Variants in GAREM1 observed in about 807,000 individuals in gnomAD.
The protein encoded by GAREM1 is GRB2 associated regulator of MAPK1 subtype 1.
In GAREM1, 26 loss-of-function variants were observed where a neutral mutation model predicts 71.3. The ratio of observed to expected loss-of-function variants is 0.36; its 90% CI spans 0.27 to 0.51. The LOEUF is 0.51. GAREM1 is among the 20% of genes least tolerant of loss of function. The pLI, the probability that GAREM1 is intolerant of heterozygous loss-of-function variation, is 0.95. For missense variants in GAREM1, 1,026 were observed against 1,103.1 expected (o/e 0.93, Z 0.99); for synonymous variants, 440 against 433.2 (o/e 1.02, Z -0.20).
At chr18:32,423,299 T>C (rs2048538601) in intron 1 of GAREM1, among the ~76,000 whole-genome samples, 1 of 152,136 alleles carries the variant, frequency 6.6e-6, no homozygotes, top group African/African-American at 2.4e-5. Context: ...CTGCAAATCA[T>C]AAATGTTACA....
At chr18:32,421,880 C>A (rs887436498) in intron 1 of GAREM1, among the ~76,000 whole-genome samples, 2 of 152,144 alleles carry the variant, frequency 1.3e-5, no homozygotes, top group African/African-American at 4.8e-5. Context: ...TCATCCTCTT[C>A]CAGCAGGTGA....
chr18:32,310,022 A>T (rs1300930213), intron 3 of GAREM1, among the ~76,000 whole-genome samples, 171 bp downstream of exon 3: 1 of 152,260 alleles, frequency 6.6e-6, no homozygotes, highest in Non-Finnish European at 1.5e-5. Context: ...ATACAGAAGC[A>T]GTCAGGGAGT....
chr18:32,326,893 C>T (rs897462640), intron 2 of GAREM1, among the ~76,000 whole-genome samples: 2 of 152,216 alleles, frequency 1.3e-5, no homozygotes, highest in African/African-American at 4.8e-5. Flanking sequence ...TTCCATCCAA[C>T]AGGGGCAGTT....
At chr18:32,305,154 G>C (rs1377302166) in intron 3 of GAREM1, among the ~76,000 whole-genome samples, 2 of 152,040 alleles carry the variant, frequency 1.3e-5, no homozygotes, top group African/African-American at 4.8e-5. Flanking sequence ...AAGTGAAAGA[G>C]ACAGGTGACT....
chr18:32,267,770 GAGA>G lies in GAREM1; in HGVS notation c.*98_*100del, dbSNP rs896797897. On this transcript the variant is annotated 3_prime_UTR_variant, in exon 6 of 6. Transcript: ENST00000269209. ...AGAGTTTCTCTTATCCCTATTTACAGAGAAGGTTTTTAGTGCAAAAACATGAAA... is the reference window on the plus strand; with the variant it reads ...AGAGTTTCTCTTATCCCTATTTACAGAGGTTTTTAGTGCAAAAACATGAAA... 14 of 893,938 alleles carry G rather than the reference GAGA, an allele frequency of 1.6e-5. No homozygotes were observed. Among genetic ancestry groups the G allele is most frequent in the Non-Finnish European group, 2.4e-5 (14 of 586,050 alleles). 55.4% of individuals were successfully genotyped at this position (893,938 alleles called of 1,614,324 possible). A position where few individuals can be genotyped will look rare whatever the true frequency, so the allele number is the denominator to read the frequency against.
chr18:32,406,039 C>T (rs976800548), intron 1 of GAREM1, among the ~76,000 whole-genome samples: 2 of 152,168 alleles, frequency 1.3e-5, no homozygotes, highest in African/African-American at 2.4e-5. Context: ...CAGGCTGTTC[C>T]TTCTAACTAT....
At chr18:32,361,249 T>G (rs1180205590) in intron 2 of GAREM1, among the ~76,000 whole-genome samples, 1 of 152,178 alleles carries the variant, frequency 6.6e-6, no homozygotes, top group Non-Finnish European at 1.5e-5. Flanking sequence ...TTACTTCTGA[T>G]CCCACCATAA....
intron 1 of GAREM1, among the ~76,000 whole-genome samples, chr18:32,446,211 T>C (rs918239764): frequency 6.7e-6 from 1 of 148,874 alleles, no homozygotes; most frequent in Non-Finnish European, 1.5e-5. Context: ...TCTCAGACTG[T>C]AAGTTCCCCA....
intron 2 of GAREM1, among the ~76,000 whole-genome samples, chr18:32,332,653 CCCTG>C (rs1324177795): frequency 6.6e-6 from 1 of 152,162 alleles, no homozygotes; most frequent in African/African-American, 2.4e-5. Flanking sequence ...CCTTCAGCCT[CCCTG>C]CCTATCACCA....
At chr18:32,330,486 G>A (rs1364907036) in intron 2 of GAREM1, among the ~76,000 whole-genome samples, 1 of 151,998 alleles carries the variant, frequency 6.6e-6, no homozygotes, top group Non-Finnish European at 1.5e-5. Flanking sequence ...ACCTGCACAT[G>A]TATCCCCTGA....
chr18:32,414,622 T>TG (rs1212834914), intron 1 of GAREM1, among the ~76,000 whole-genome samples: 4 of 151,980 alleles, frequency 2.6e-5, no homozygotes, highest in African/African-American at 9.7e-5. Context: ...GAGTGACCAA[T>TG]GGGTCAATGA....
chr18:32,290,038 A>C (rs889190804), intron 3 of GAREM1, among the ~76,000 whole-genome samples: 13 of 151,864 alleles, frequency 8.6e-5, no homozygotes, highest in African/African-American at 3.1e-4. Context: ...CTTCCTAAAG[A>C]GTCATCCCTT....
chr18:32,358,476 C>CA (rs992255249), intron 2 of GAREM1, among the ~76,000 whole-genome samples: 1 of 152,116 alleles, frequency 6.6e-6, no homozygotes, highest in African/African-American at 2.4e-5. Flanking sequence ...TCCTCTCCCC[C>CA]AAAAGGGTGC....
Position 32,413,327 on chromosome 18 carries a change from CAAAACCACAT to C in GAREM1, c.122-20302_122-20293del, listed in dbSNP as rs536761788. On this transcript the variant is annotated intron_variant, in intron 1 of 5. Coordinates refer to ENST00000269209, the MANE Select transcript of GAREM1 (RefSeq NM_001242409.2). ...CAAAAATACCGCTTAGCCTTAAAAA[CAAAACCACAT>C]AAAACTTGAAAGAAACAAAGACTCA... 2.2e-4 allele frequency: 193 copies of C among 866,422 alleles called. No homozygotes were observed. The East Asian group carries it at 3.9e-3, about 18-fold the overall frequency. The allele number at this position is 866,422 out of a possible 1,614,324, so 53.7% of individuals were successfully genotyped here.
In GAREM1 at chr18:32,287,985, C is replaced by T; in HGVS notation, c.612G>A (p.Arg204=). Residue 204 remains arginine, a synonymous_variant, in exon 4 of 6, where the codon CGG becomes CGA. Coordinates refer to ENST00000269209, the MANE Select transcript of GAREM1 (RefSeq NM_001242409.2). The surrounding 1 kb of genome is among the most constrained non-coding windows in gnomAD (Gnocchi z 5.9). ...KMPCLICMNH[R]TNESISLPFQ... The stretch of plus-strand genomic sequence containing the variant: ...ATGGAAGGCTAATGCTTTCGTTGGT[C>T]CGGTGATTCATACAAATGAGGCACG... 1 of 1,614,028 alleles carries T rather than the reference C, an allele frequency of 6.2e-7. No individual in the cohort carries two copies. The highest frequency in any genetic ancestry group is 1.1e-5 in the South Asian group (1 of 91,050).
At chr18:32,295,645 C>A (rs943684455) in intron 3 of GAREM1, among the ~76,000 whole-genome samples, 2 of 152,158 alleles carry the variant, frequency 1.3e-5, no homozygotes, top group African/African-American at 2.4e-5. Context: ...TAATTTTAAT[C>A]TTTGGAACAA....
chr18:32,306,300 C>T lies in GAREM1; in HGVS notation c.393+3893G>A, dbSNP rs114738579. ...ATCCTATCCAGTCTTCTCTTCTAGA[C>T]CCCTAAATGCTGGGGTACTCCAGGG... On this transcript the variant is annotated intron_variant, in intron 3 of 5. Transcript: ENST00000269209. Among the ~76,000 whole-genome samples the T allele has an allele frequency of 6.2e-3, 943 of 152,240 alleles. 9 individuals carry two copies. The highest frequency in any genetic ancestry group is 0.021 in the African/African-American group (890 of 41,530).
chr18:32,464,667 A>G (rs41320548), intron 1 of GAREM1, among the ~76,000 whole-genome samples: 1,853 of 152,234 alleles, frequency 0.012, 32 homozygotes, highest in African/African-American at 0.043. Flanking sequence ...CACTCAAGTC[A>G]CCCAGAGCAT....
chr18:32,376,846 T>TA (rs1477037824), intron 2 of GAREM1, among the ~76,000 whole-genome samples: 1 of 151,346 alleles, frequency 6.6e-6, no homozygotes, highest in East Asian at 1.9e-4. Context: ...CAAAAATAAA[T>TA]AAAAAAACAA....
Sources: gnomAD v4.1 joint callset for allele counts (sites outside exome capture counted in the v4.1 genomes callset) on GRCh38, gnomAD v4.1.1 for gene constraint, Gnocchi (gnomAD v3.1) non-coding constraint, MANE v1.5 for transcripts, NCBI Gene and HGNC (gene_info 2026-07-23, HGNC 2026-07-21) for gene names.